The following GALNT9 variants were observed in gnomAD, a reference collection of about 807,000 sequenced individuals.
GALNT9 encodes GalNAc transferase 9.
GALNT9 carries 47 observed loss-of-function variants against 63.1 expected under a neutral mutation model. The ratio of observed to expected loss-of-function variants is 0.75; its 90% confidence interval spans 0.59 to 0.95. The LOEUF (loss-of-function observed/expected upper bound fraction) is 0.95. GALNT9 is among the 40% of genes least tolerant of loss of function. The probability of loss-of-function intolerance (pLI) is 0.00; values close to 1 mark genes in which losing one functional copy is unlikely to be tolerated. For synonymous variants in GALNT9, 396 were observed against 365.7 expected, an observed-to-expected ratio of 1.08 and a Z score of -0.94; for missense variants, 829 against 874.8, an observed-to-expected ratio of 0.95 and a Z score of 0.66.
chr12:132,320,586 A>G (rs1868738172), intron 1 of GALNT9, among the ~76,000 whole-genome samples: 1 of 38,744 alleles, frequency 2.6e-5, no homozygotes, highest in African/African-American at 1.1e-4. Context: ...GGGATGCTGC[A>G]TTGAGAGTAT....
chr12:132,262,344 A>G, intron 3 of GALNT9, 115 bp downstream of exon 3: 1 of 1,355,614 alleles, frequency 7.4e-7, no homozygotes, highest in Non-Finnish European at 9.8e-7. Context: ...GCCCCTGCGG[A>G]CAGATGGGGT....
At chr12:132,203,422 G>T in intron 7 of GALNT9, 83 bp downstream of exon 7, 3 of 1,346,606 alleles carry the variant, frequency 2.2e-6, no homozygotes, top group Non-Finnish European at 3.1e-6. Context: ...GGCCCTAGGG[G>T]GCCTCCCTCC....
At chr12:132,248,351 G>A (rs782005259) in intron 5 of GALNT9, among the ~76,000 whole-genome samples, 2 of 152,210 alleles carry the variant, frequency 1.3e-5, no homozygotes, top group Non-Finnish European at 2.9e-5. Context: ...GCTCACGCCT[G>A]TTATCCCAGC....
intron 6 of GALNT9, among the ~76,000 whole-genome samples, chr12:132,211,594 C>T (rs573355562): frequency 1.3e-5 from 2 of 152,160 alleles, no homozygotes; most frequent in Admixed American, 6.5e-5. Context: ...CACCCTCTCT[C>T]GTCCACCTGG....
intron 6 of GALNT9, chr12:132,240,784 A>G (rs1324630154): frequency 1.8e-5 from 8 of 452,124 alleles, no homozygotes; most frequent in Middle Eastern, 3.3e-4. Flanking sequence ...AGTATGATCT[A>G]TACATGTTTA....
chr12:132,303,911 A>G lies in GALNT9; in HGVS notation c.239-17481T>C, dbSNP rs1461161094. ...GCCTCACCGGGGCACACCCTCACCC[A>G]GACACAGCCTCGCCCAGACACACCC... On this transcript the variant is annotated intron_variant, in intron 1 of 10. Coordinates refer to ENST00000328957, the MANE Select transcript of GALNT9 (RefSeq NM_001122636.2). Among the ~76,000 whole-genome samples the G allele has an allele frequency of 1.4e-4, 5 of 35,050 alleles. 2 individuals are homozygous for G. The highest frequency in any genetic ancestry group is 4.5e-4 in the African/African-American group (4 of 8,958). The allele number at this position is 35,050 out of a possible 152,430, so 23.0% of individuals were successfully genotyped here.
intron 6 of GALNT9, among the ~76,000 whole-genome samples, chr12:132,218,493 C>G (rs180856855): frequency 1.3e-5 from 2 of 152,206 alleles, no homozygotes; most frequent in Admixed American, 1.3e-4. Flanking sequence ...TTTCATTGAA[C>G]CTGATTTTTA....
intron 6 of GALNT9, among the ~76,000 whole-genome samples, chr12:132,221,051 C>CA (rs550355613): frequency 0.026 from 1,864 of 70,986 alleles, 57 homozygotes; most frequent in Non-Finnish European, 0.03. Context: ...GAGATTGTGT[C>CA]AAAAAAAAAA....
At chr12:132,240,781 T>C (rs1284309711) in intron 6 of GALNT9, 4 of 453,004 alleles carry the variant, frequency 8.8e-6, no homozygotes, top group Non-Finnish European at 1.8e-5. Flanking sequence ...TGCAGTATGA[T>C]CTATACATGT....
intron 6 of GALNT9, among the ~76,000 whole-genome samples, chr12:132,228,599 AC>A (rs1213507284): frequency 2.0e-5 from 3 of 150,896 alleles, no homozygotes; most frequent in Non-Finnish European, 4.4e-5. Flanking sequence ...TGCAAAAGCC[AC>A]CCCCCCGGCC....
Position 132,316,360 on chromosome 12 carries a change from A to G in GALNT9, c.238+12606T>C, listed in dbSNP as rs1555245692. ...TTTTATGCCCCTATTCTGGGAGGAA[A>G]CAGAGATCCCCTATAACCGAGCATA... On this transcript the variant is annotated intron_variant, in intron 1 of 10. Coordinates refer to ENST00000328957, the MANE Select transcript of GALNT9 (RefSeq NM_001122636.2). This position sits in a 1 kb window ranked among gnomAD's most constrained non-coding sequence, Gnocchi z 4.3. Among the ~76,000 whole-genome samples, 1 of 152,110 alleles carries G rather than the reference A, an allele frequency of 6.6e-6. No individual in the cohort carries two copies. Among genetic ancestry groups the G allele is most frequent in the Non-Finnish European group, 1.5e-5 (1 of 68,014 alleles).
At chr12:132,299,529 T>C (rs1363236738) in intron 1 of GALNT9, among the ~76,000 whole-genome samples, 106 of 95,076 alleles carry the variant, frequency 1.1e-3, no homozygotes, top group East Asian at 1.6e-3. Context: ...TCCCACCACA[T>C]CTAACCCATC....
At chr12:132,308,935 C>A (rs1263735346) in intron 1 of GALNT9, among the ~76,000 whole-genome samples, 1 of 152,216 alleles carries the variant, frequency 6.6e-6, no homozygotes, top group Non-Finnish European at 1.5e-5. Flanking sequence ...CTGTGACTTC[C>A]GTGCCTGAGA....
rs554816989 is a variant in GALNT9, at chr12:132,327,611, G to A, written c.238+1355C>T. On this transcript the variant is annotated intron_variant, in intron 1 of 10. Transcript: ENST00000328957. This position sits in a 1 kb window ranked among gnomAD's most constrained non-coding sequence, Gnocchi z 4.3. ...CGGGAGATGAATTGCTCTGCCGGGC[G>A]GCTGGGCGGCTGCTTGAACTACTTT... 3.3e-5 allele frequency among the ~76,000 whole-genome samples: 5 copies of A among 152,260 alleles called. No individual in the cohort carries two copies. The South Asian group carries it at 8.3e-4, about 25-fold the overall frequency.
rs1390176799 is a variant in GALNT9, at chr12:132,265,576, G to GC, written c.420-2952dup. Among the ~76,000 whole-genome samples, 2 of 152,150 alleles carry GC rather than the reference G, an allele frequency of 1.3e-5. No homozygotes were observed. Among genetic ancestry groups the GC allele is most frequent in the Non-Finnish European group, 2.9e-5 (2 of 68,024 alleles). ...CTTGTTCCCTGTGTGAAGCCCCCGG[G>GC]CCCCTTTTGCAGCAGGCTTCGCAAG... On this transcript the variant is annotated intron_variant, in intron 2 of 10. Coordinates refer to ENST00000328957, the MANE Select transcript of GALNT9 (RefSeq NM_001122636.2). The surrounding 1 kb of genome is among the most constrained non-coding windows in gnomAD (Gnocchi z 5.3).
At chr12:132,312,908 A>C (rs143422734) in intron 1 of GALNT9, among the ~76,000 whole-genome samples, 326 of 151,850 alleles carry the variant, frequency 2.1e-3, no homozygotes, top group African/African-American at 7.5e-3. Flanking sequence ...GGGCTGCTCA[A>C]CTCCACATGG....
intron 1 of GALNT9, among the ~76,000 whole-genome samples, chr12:132,289,953 G>A (rs1880744950): frequency 6.6e-6 from 1 of 152,222 alleles, no homozygotes; most frequent in South Asian, 2.1e-4. Flanking sequence ...CACTGGGGGT[G>A]AAGGAACTTT....
At chr12:132,255,818 G>A (rs781858205) in intron 5 of GALNT9, among the ~76,000 whole-genome samples, 6 of 152,172 alleles carry the variant, frequency 3.9e-5, no homozygotes, top group African/African-American at 4.8e-5. Context: ...GGCACCGGCC[G>A]CGATGACAAC....
chr12:132,285,911 AGAG>A (rs200039436), intron 2 of GALNT9, among the ~76,000 whole-genome samples: 3,367 of 152,228 alleles, frequency 0.022, 47 homozygotes, highest in Middle Eastern at 0.092. Context: ...CAGGAGAGAC[AGAG>A]GAGGAGAGAC....
Sources: allele counts gnomAD v4.1 joint callset (sites outside exome capture counted in the v4.1 genomes callset), GRCh38; gene constraint gnomAD v4.1.1; non-coding constraint Gnocchi (gnomAD v3.1); transcripts MANE v1.5; gene names NCBI Gene and HGNC (gene_info 2026-07-23, HGNC 2026-07-21).